The following PRDM16 variants were observed in gnomAD, a reference collection of about 807,000 sequenced individuals.
The protein encoded by PRDM16 is histone-lysine N-methyltransferase PRDM16.
In PRDM16, 23 loss-of-function variants were observed where a neutral mutation model predicts 110.6. The observed-to-expected ratio is 0.21, with a 90% confidence interval of 0.15 to 0.29. The LOEUF (loss-of-function observed/expected upper bound fraction) is 0.29, where lower values mean the gene tolerates loss of function less well. PRDM16 is among the 10% of genes least tolerant of loss of function. PRDM16 has a pLI of 1.00. For synonymous variants in PRDM16, 799 were observed against 781.8 expected (o/e 1.02, Z -0.37); for missense variants, 1,615 against 1,794.3 (o/e 0.90, Z 1.81).
intron 1 of PRDM16, among the ~76,000 whole-genome samples, chr1:3,145,795 T>C (rs1643636962): frequency 6.6e-6 from 1 of 152,178 alleles, no homozygotes; most frequent in Non-Finnish European, 1.5e-5. Flanking sequence ...ATAACCTCAT[T>C]AAGAAAGTGC....
chr1:3,351,212 T>C (rs1570117767), intron 3 of PRDM16, among the ~76,000 whole-genome samples: 1 of 152,084 alleles, frequency 6.6e-6, no homozygotes, highest in African/African-American at 2.4e-5. Flanking sequence ...CCAGCTCTCA[T>C]CCCCACCAGG....
At chr1:3,384,294 G>A (rs1165093522) in intron 3 of PRDM16, among the ~76,000 whole-genome samples, 1 of 152,206 alleles carries the variant, frequency 6.6e-6, no homozygotes, top group Non-Finnish European at 1.5e-5. Flanking sequence ...TCTGGGCTGG[G>A]CTGCCCAGGA....
At position 3,080,250 on chromosome 1, in the gene PRDM16, T is replaced by G. The variant is rs1420809573; in HGVS notation, c.37+10954T>G. Among the ~76,000 whole-genome samples the G allele has an allele frequency of 2.6e-5, 4 of 152,208 alleles. No homozygotes were observed. Among genetic ancestry groups the G allele is most frequent in the Non-Finnish European group, 4.4e-5 (3 of 68,048 alleles). ...AATGATGTGTCTGTGTGTGAAAATATTAAATTGCAATAACACGCCGTGCGA... is the reference window on the plus strand; with the variant it reads ...AATGATGTGTCTGTGTGTGAAAATAGTAAATTGCAATAACACGCCGTGCGA... On this transcript the variant is annotated intron_variant, in intron 1 of 16. Transcript: ENST00000270722. The surrounding 1 kb of genome is among the most constrained non-coding windows in gnomAD (Gnocchi z 5.2).
intron 1 of PRDM16, among the ~76,000 whole-genome samples, chr1:3,146,887 G>C: frequency 7.9e-6 from 1 of 126,840 alleles, no homozygotes; most frequent in Non-Finnish European, 1.6e-5. Context: ...TTGGTGTGGG[G>C]TGTGTGTGCA....
intron 3 of PRDM16, among the ~76,000 whole-genome samples, chr1:3,365,412 G>A (rs942534765): frequency 2.6e-5 from 4 of 152,204 alleles, no homozygotes. Context: ...AGGAAGGAGA[G>A]GCAGTGAGGA....
rs1418583197 is a variant in PRDM16 at position 3,349,240 on chromosome 1, G to A, written c.439-35912G>A. On this transcript the variant is annotated intron_variant, in intron 3 of 16. Coordinates refer to ENST00000270722, the MANE Select transcript of PRDM16 (RefSeq NM_022114.4). ...CTGGGCCTGCTCTCTGGCTCCCAGT[G>A]AGGGTCCCCGCCCCACGGGAGATAA... Among the ~76,000 whole-genome samples, 4 of 152,158 alleles carry A rather than the reference G, an allele frequency of 2.6e-5. No individual in the cohort carries two copies. In the East Asian group the frequency reaches 7.7e-4, roughly 29 times the overall value.
intron 1 of PRDM16, among the ~76,000 whole-genome samples, chr1:3,079,150 C>T (rs561472023): frequency 2.0e-5 from 3 of 152,336 alleles, no homozygotes; most frequent in South Asian, 2.1e-4. Flanking sequence ...AGCCGCGTCC[C>T]GGAATCTCCG....
intron 2 of PRDM16, among the ~76,000 whole-genome samples, chr1:3,199,055 C>T (rs1354551105): frequency 6.6e-6 from 1 of 152,146 alleles, no homozygotes; most frequent in Non-Finnish European, 1.5e-5. Flanking sequence ...GGCCTTGTTT[C>T]CCTCTAGACT....
rs886990204 is a variant in PRDM16 at position 3,350,344 on chromosome 1, G to T, written c.439-34808G>T. 1.3e-5 allele frequency among the ~76,000 whole-genome samples: 2 copies of T among 152,052 alleles called. No homozygotes were observed. The highest frequency in any genetic ancestry group is 4.8e-5 in the African/African-American group (2 of 41,422). ...CTGTCTCAAAAAAATGAAAAGAAAA[G>T]ATCTGGAAGTGGGAGGGGAGGCGGC... On this transcript the variant is annotated intron_variant, in intron 3 of 16. Transcript: ENST00000270722. The surrounding 1 kb of genome is among the most constrained non-coding windows in gnomAD (Gnocchi z 7.1).
intron 3 of PRDM16, among the ~76,000 whole-genome samples, chr1:3,291,118 T>G (rs930580726): frequency 1.3e-5 from 2 of 151,824 alleles, no homozygotes; most frequent in Admixed American, 6.6e-5. Flanking sequence ...TTTCCTGATG[T>G]GATACTTAGG....
At position 3,402,912 on chromosome 1, in the gene PRDM16, G is replaced by A. The variant is rs1643497530; in HGVS notation, c.798G>A (p.Glu266=). 1 of 1,612,802 alleles carries A rather than the reference G, an allele frequency of 6.2e-7. No individual in the cohort carries two copies. Among genetic ancestry groups the A allele is most frequent in the Non-Finnish European group, 8.5e-7 (1 of 1,179,996 alleles). Residue 266 remains glutamate, a synonymous_variant, in exon 6 of 17, where the codon GAG becomes GAA. Coordinates refer to ENST00000270722, the MANE Select transcript of PRDM16 (RefSeq NM_022114.4). ...VGAALYEGLA[E]ELKPEGLGGG... ...CTGCGCTCTACGAGGGCCTGGCTGA[G>A]GAGCTCAAGCCCGAGGGCCTTGGCG...
chr1:3,237,374 G>A (rs989978345), intron 2 of PRDM16, among the ~76,000 whole-genome samples: 1 of 151,354 alleles, frequency 6.6e-6, no homozygotes, highest in Admixed American at 6.6e-5. Flanking sequence ...CCCCCACTTC[G>A]GGACCCCACC....
At chr1:3,316,778 A>T (rs1557602911) in intron 3 of PRDM16, among the ~76,000 whole-genome samples, 1 of 152,102 alleles carries the variant, frequency 6.6e-6, no homozygotes, top group Admixed American at 6.5e-5. Flanking sequence ...GTAGACAGGA[A>T]ACATTGACAT....
chr1:3,349,155 C>G (rs568216554), intron 3 of PRDM16, among the ~76,000 whole-genome samples: 1 of 152,236 alleles, frequency 6.6e-6, no homozygotes, highest in African/African-American at 2.4e-5. Context: ...ACCACAGCCT[C>G]GCCCTGCCCC....
chr1:3,072,220 T>G (rs1641781580), intron 1 of PRDM16, among the ~76,000 whole-genome samples: 1 of 152,160 alleles, frequency 6.6e-6, no homozygotes, highest in Admixed American at 6.5e-5. Context: ...CAAAAGCTTA[T>G]TGTTTCCAGG....
chr1:3,114,338 G>GCA (rs1204493311), intron 1 of PRDM16, among the ~76,000 whole-genome samples: 1 of 126,572 alleles, frequency 7.9e-6, no homozygotes, highest in Admixed American at 8.7e-5. Flanking sequence ...GTAAACAGAC[G>GCA]CGCACGCATG....
rs762906893 is a variant in PRDM16 at position 3,353,816 on chromosome 1, C to A, written c.439-31336C>A. Among the ~76,000 whole-genome samples, 1 of 152,112 alleles carries A rather than the reference C, an allele frequency of 6.6e-6. No individual in the cohort carries two copies. Among genetic ancestry groups the A allele is most frequent in the Non-Finnish European group, 1.5e-5 (1 of 67,996 alleles). On this transcript the variant is annotated intron_variant, in intron 3 of 16. Transcript: ENST00000270722. The surrounding 1 kb of genome is among the most constrained non-coding windows in gnomAD (Gnocchi z 5.4). Reference sequence around the variant, plus strand: ...TGTCACCAGGCCTTACCCTGGGGACCCCTGCTCCCAGCGGAGCCAGTAGTG... The same window carrying A: ...TGTCACCAGGCCTTACCCTGGGGACACCTGCTCCCAGCGGAGCCAGTAGTG...
chr1:3,344,126 C>T (rs1165879133), intron 3 of PRDM16, among the ~76,000 whole-genome samples: 1 of 152,110 alleles, frequency 6.6e-6, no homozygotes, highest in Non-Finnish European at 1.5e-5. Context: ...CACTTGTGGC[C>T]AGGAGTTCTA....
chr1:3,078,701 C>T (rs1466621216), intron 1 of PRDM16, among the ~76,000 whole-genome samples: 1 of 152,128 alleles, frequency 6.6e-6, no homozygotes, highest in Non-Finnish European at 1.5e-5. Flanking sequence ...AACGTTTTAG[C>T]GGAGGGAGGA....
Sources: allele counts gnomAD v4.1 joint callset (sites outside exome capture counted in the v4.1 genomes callset), GRCh38; gene constraint gnomAD v4.1.1; non-coding constraint Gnocchi (gnomAD v3.1); transcripts MANE v1.5; gene names NCBI Gene and HGNC (gene_info 2026-07-23, HGNC 2026-07-21).